The following ZNF215 variants were observed in gnomAD, a reference collection of about 807,000 sequenced individuals.
The protein encoded by ZNF215 is BWSCR2-associated zinc finger protein 2.
ZNF215 carries 24 observed loss-of-function variants against 27.2 expected under a neutral mutation model. That is an observed-to-expected ratio of 0.88 (90% CI 0.64 to 1.24). The LOEUF is 1.24. Among genes scored for constraint, ZNF215 ranks in the 50% most tolerant of loss-of-function variants. The pLI, the probability that ZNF215 is intolerant of heterozygous loss-of-function variation, is 0.00. For missense variants in ZNF215, 675 were observed against 605.7 expected, an observed-to-expected ratio of 1.11 and a Z score of -1.20; for synonymous variants, 210 against 204.0, an observed-to-expected ratio of 1.03 and a Z score of -0.25.
chr11:6,934,893 A>T (rs1849381709), intron 3 of ZNF215, among the ~76,000 whole-genome samples: 1 of 152,226 alleles, frequency 6.6e-6, no homozygotes. Context: ...TGTGATCATT[A>T]TAGCCTATTC....
chr11:6,942,947 C>G, intron 4 of ZNF215, 136 bp from the exon 5 acceptor site: 1 of 1,342,792 alleles, frequency 7.4e-7, no homozygotes, highest in Non-Finnish European at 1.0e-6. Context: ...CTTAGAACCT[C>G]AAACATTGTC....
chr11:6,963,873 T>C lies in ZNF215; in HGVS notation c.805+8091T>C, dbSNP rs142116384. Reference sequence around the variant, plus strand: ...CTCACAAAAAATAACTGTTAAATTATCACAAATTTTGTGAGCTAAGTGAAA... The same window carrying C: ...CTCACAAAAAATAACTGTTAAATTACCACAAATTTTGTGAGCTAAGTGAAA... On this transcript the variant is annotated intron_variant, in intron 5 of 5. Coordinates refer to the ZNF215 transcript ENST00000529903. Among the ~76,000 whole-genome samples, 882 of 152,206 alleles carry C rather than the reference T, an allele frequency of 5.8e-3. 12 individuals are homozygous for C. The highest frequency in any genetic ancestry group is 0.02 in the African/African-American group (827 of 41,550).
chr11:6,962,322 T>C (rs570756370), downstream of ZNF215, among the ~76,000 whole-genome samples: 2 of 152,234 alleles, frequency 1.3e-5, no homozygotes, highest in East Asian at 3.9e-4. Flanking sequence ...GGGACTCCCA[T>C]TGGCTATAGC....
chr11:6,930,626 C>A (rs574731466), intron 2 of ZNF215, among the ~76,000 whole-genome samples: 4 of 152,278 alleles, frequency 2.6e-5, no homozygotes, highest in African/African-American at 9.6e-5. Context: ...TTGCCATGGA[C>A]AAGGTCACAC....
Position 6,951,506 on chromosome 11 carries a change from C to G in ZNF215, c.713-4184C>G. Among the ~76,000 whole-genome samples the G allele has an allele frequency of 1.3e-5, 2 of 152,164 alleles. 1 individual carries two copies. The highest frequency in any genetic ancestry group is 3.8e-4 in the East Asian group (2 of 5,204). ...AATTTATCCATTTCTTCTAGATTTT[C>G]TAGTTTATTTGCATAGAGGTGTTTG... On this transcript the variant is annotated intron_variant, in intron 6 of 6. Coordinates refer to ENST00000278319, the MANE Select transcript of ZNF215 (RefSeq NM_013250.4).
chr11:6,965,672 A>G (rs1164721018), intron 5 of ZNF215, among the ~76,000 whole-genome samples: 2 of 152,204 alleles, frequency 1.3e-5, no homozygotes, highest in Admixed American at 6.5e-5. Flanking sequence ...TTAGTACATT[A>G]TAAATAGTAC....
chr11:6,961,015 G>C (rs1290865964), downstream of ZNF215, among the ~76,000 whole-genome samples: 1 of 151,962 alleles, frequency 6.6e-6, no homozygotes, highest in African/African-American at 2.4e-5. Context: ...TGCTCTTTCT[G>C]GTGTTTCCAT....
chr11:6,979,681 C>T (rs1474625083), intron 5 of ZNF215, among the ~76,000 whole-genome samples: 2 of 152,034 alleles, frequency 1.3e-5, no homozygotes, highest in African/African-American at 2.4e-5. Context: ...ATTGATTCTT[C>T]ATCTCCTAAC....
intron 2 of ZNF215, among the ~76,000 whole-genome samples, chr11:6,928,847 G>C (rs1289514086): frequency 1.3e-5 from 2 of 152,088 alleles, no homozygotes; most frequent in African/African-American, 4.8e-5. Flanking sequence ...GCTCTCTCTT[G>C]GCTGGTGGCT....
intron 5 of ZNF215, among the ~76,000 whole-genome samples, chr11:6,975,985 T>C (rs1386780288): frequency 1.3e-5 from 2 of 152,104 alleles, no homozygotes; most frequent in African/African-American, 4.8e-5. Context: ...AAGGGTTCCC[T>C]TTTCTCTAAA....
At chr11:6,979,444 G>A (rs138694616) in intron 5 of ZNF215, among the ~76,000 whole-genome samples, 1 of 152,054 alleles carries the variant, frequency 6.6e-6, no homozygotes, top group African/African-American at 2.4e-5. Flanking sequence ...TATGGACACT[G>A]CGTTTTTTCT....
rs527314852 is a variant in ZNF215, at chr11:6,973,690, GTCT to G, written c.806-10434_806-10432del. On this transcript the variant is annotated intron_variant, in intron 5 of 5. Transcript: ENST00000529903. Reference sequence around the variant, plus strand: ...TCCTGTGTCTGTTGGCTGCATAAATGTCTTCTTTTGAGAAGTGTCTGTTCATAT... The same window carrying G: ...TCCTGTGTCTGTTGGCTGCATAAATGTCTTTTGAGAAGTGTCTGTTCATAT... Among the ~76,000 whole-genome samples the G allele has an allele frequency of 5.7e-3, 867 of 152,346 alleles. 14 individuals carry two copies. The highest frequency in any genetic ancestry group is 0.018 in the African/African-American group (747 of 41,570).
At chr11:6,962,198 A>G (rs191852033), downstream of ZNF215, among the ~76,000 whole-genome samples, 14 of 152,316 alleles carry the variant, frequency 9.2e-5, no homozygotes, top group Admixed American at 1.3e-4. Context: ...AAAAGGCAAG[A>G]CAAAGGAGTC....
chr11:6,980,121 A>G (rs929307825), intron 5 of ZNF215, among the ~76,000 whole-genome samples: 39 of 152,230 alleles, frequency 2.6e-4, no homozygotes, highest in African/African-American at 8.7e-4. Context: ...TTTGTCAACA[A>G]TCAATCAGTT....
At chr11:6,964,038 G>C (rs1564971013) in intron 5 of ZNF215, among the ~76,000 whole-genome samples, 1 of 151,930 alleles carries the variant, frequency 6.6e-6, no homozygotes, top group Non-Finnish European at 1.5e-5. Context: ...GTATGTAATA[G>C]TACCTCATTA....
chr11:6,982,047 C>T (rs1407526400), intron 5 of ZNF215, among the ~76,000 whole-genome samples: 6 of 151,966 alleles, frequency 3.9e-5, no homozygotes, highest in Non-Finnish European at 7.4e-5. Flanking sequence ...TAGCATGATG[C>T]CTCCAGCTTT....
rs1189030173 is a variant in ZNF215 at position 6,966,579 on chromosome 11, C to T, written c.805+10797C>T. Among the ~76,000 whole-genome samples, 3 of 152,058 alleles carry T rather than the reference C, an allele frequency of 2.0e-5. No individual in the cohort carries two copies. The East Asian group carries it at 5.8e-4, about 29-fold the overall frequency. On this transcript the variant is annotated intron_variant, in intron 5 of 5. Coordinates refer to the ZNF215 transcript ENST00000529903. ...ATGGACAGAATTGTTCACAATATTA[C>T]CTTGTTTTCCTTTTAATATCTATAG...
chr11:6,978,488 T>A (rs1388862036), intron 5 of ZNF215, among the ~76,000 whole-genome samples: 6 of 151,998 alleles, frequency 3.9e-5, no homozygotes, highest in South Asian at 2.1e-4. Flanking sequence ...AATACTGAAC[T>A]CTGATTAATA....
chr11:6,976,128 A>G (rs548311898), intron 5 of ZNF215, among the ~76,000 whole-genome samples: 1 of 152,034 alleles, frequency 6.6e-6, no homozygotes, highest in Non-Finnish European at 1.5e-5. Context: ...CCTGTTTGCC[A>G]TTTGTATGTC....
Sources: gnomAD v4.1 joint callset for allele counts (sites outside exome capture counted in the v4.1 genomes callset) on GRCh38, gnomAD v4.1.1 for gene constraint, MANE v1.5 for transcripts, NCBI Gene and HGNC (gene_info 2026-07-23, HGNC 2026-07-21) for gene names.